TTLL11: variants seen among roughly 807,000 people sequenced by gnomAD.
TTLL11 encodes tubulin tyrosine ligase like 11.
TTLL11 carries 42 observed loss-of-function variants against 51.7 expected under a neutral mutation model. That is an observed-to-expected ratio of 0.81 (90% CI 0.64 to 1.05). TTLL11 has a LOEUF of 1.05. Ranked by LOEUF, TTLL11 falls within the 50% of genes least tolerant of loss-of-function variation. The pLI, the probability that TTLL11 is intolerant of heterozygous loss-of-function variation, is 0.00. For synonymous variants in TTLL11, 381 were observed against 383.5 expected (o/e 0.99, Z 0.08); for missense variants, 799 against 940.4 (o/e 0.85, Z 1.97).
intron 1 of TTLL11, among the ~76,000 whole-genome samples, chr9:122,083,337 T>G (rs1162692871): frequency 6.6e-6 from 1 of 152,016 alleles, no homozygotes; most frequent in Non-Finnish European, 1.5e-5. Context: ...AAAGCAGGTG[T>G]CACAATGGGA....
chr9:121,830,747 C>T (rs1255105671), intron 8 of TTLL11, among the ~76,000 whole-genome samples: 2 of 152,218 alleles, frequency 1.3e-5, no homozygotes, highest in East Asian at 1.9e-4. Context: ...CCTGCCCTTC[C>T]CTGTCTGGGC....
In TTLL11 at chr9:121,894,187, G is replaced by A. The variant is rs1228674605; in HGVS notation, c.1482-23439C>T. On this transcript the variant is annotated intron_variant, in intron 6 of 8. Coordinates refer to ENST00000321582, the MANE Select transcript of TTLL11 (RefSeq NM_001139442.2). ...CCTGCCTGCAAGGAGCCTACAGCCT[G>A]GTGCAGGAGACCCCTAAAAGAAGAG... Among the ~76,000 whole-genome samples the A allele has an allele frequency of 2.0e-5, 3 of 152,176 alleles. No homozygotes were observed. The South Asian group carries it at 6.2e-4, about 32-fold the overall frequency.
At chr9:121,874,499 T>C (rs1838490210) in intron 6 of TTLL11, among the ~76,000 whole-genome samples, 1 of 152,246 alleles carries the variant, frequency 6.6e-6, no homozygotes, top group Non-Finnish European at 1.5e-5. Flanking sequence ...TATTAACATT[T>C]TGATTTCTTA....
intron 3 of TTLL11, among the ~76,000 whole-genome samples, chr9:121,998,695 T>C (rs1843365071): frequency 6.6e-6 from 1 of 152,184 alleles, no homozygotes; most frequent in African/African-American, 2.4e-5. Context: ...TATTGCTCAA[T>C]TGCAGTATTG....
intron 6 of TTLL11, among the ~76,000 whole-genome samples, chr9:121,878,942 G>GT: frequency 6.6e-6 from 1 of 152,320 alleles, no homozygotes; most frequent in Middle Eastern, 3.4e-3. Flanking sequence ...TTTGGGCTTT[G>GT]TGGGTAGATC....
At chr9:122,058,947 G>A (rs10513389) in intron 1 of TTLL11, among the ~76,000 whole-genome samples, 33,171 of 152,082 alleles carry the variant, frequency 0.22, 3,858 homozygotes, top group Non-Finnish European at 0.24. Context: ...CAGCTGGCGT[G>A]GTCTATTAAG....
chr9:122,046,105 CT>C (rs1367035365), intron 1 of TTLL11, among the ~76,000 whole-genome samples: 2 of 152,156 alleles, frequency 1.3e-5, no homozygotes, highest in African/African-American at 4.8e-5. Context: ...CTTAAGCCCC[CT>C]GATAGAGTTT....
intron 1 of TTLL11, among the ~76,000 whole-genome samples, chr9:122,088,131 C>A (rs934841038): frequency 6.6e-6 from 1 of 152,184 alleles, no homozygotes; most frequent in Non-Finnish European, 1.5e-5. Context: ...CAGTCAGAAG[C>A]GCAAGCTTCT....
At chr9:121,871,224 G>GTT (rs753453916) in intron 6 of TTLL11, among the ~76,000 whole-genome samples, 2 of 145,014 alleles carry the variant, frequency 1.4e-5, no homozygotes, top group African/African-American at 5.0e-5. Flanking sequence ...TGGCTTAACT[G>GTT]TTTTTTTTTT....
In TTLL11 at chr9:121,831,631, T is replaced by A. The variant is rs182161412; in HGVS notation, c.1841-8752A>T. On this transcript the variant is annotated intron_variant, in intron 8 of 8. Transcript: ENST00000321582. ...AGGAGAATCACTTGAACCTGGGAGG[T>A]GGAGGTTGCAGTGAGCCGAGATTGT... Among the ~76,000 whole-genome samples the A allele has an allele frequency of 4.1e-5, 6 of 147,126 alleles. No homozygotes were observed. The East Asian group carries it at 1.2e-3, about 29-fold the overall frequency.
intron 6 of TTLL11, among the ~76,000 whole-genome samples, chr9:121,957,144 C>T (rs541098979): frequency 1.3e-5 from 2 of 152,224 alleles, no homozygotes; most frequent in Admixed American, 6.5e-5. Context: ...TCTCCCACCC[C>T]AACCCCTCCC....
At chr9:121,957,779 ACC>A (rs1165378710) in intron 6 of TTLL11, among the ~76,000 whole-genome samples, 2 of 152,110 alleles carry the variant, frequency 1.3e-5, no homozygotes, top group Non-Finnish European at 2.9e-5. Context: ...TTCTCCCTAG[ACC>A]TGAAGAATGG....
Position 121,954,451 on chromosome 9 carries a change from A to G in TTLL11, c.1481+19558T>C, listed in dbSNP as rs115504586. ...AAACCTTGTAATATCACTCTTGTGA[A>G]GCACACAGATTCTAAGAGAATCAAA... is the stretch of plus-strand genomic sequence containing the variant. On this transcript the variant is annotated intron_variant, in intron 6 of 8. Coordinates refer to ENST00000321582, the MANE Select transcript of TTLL11 (RefSeq NM_001139442.2). Among the ~76,000 whole-genome samples, 1,041 of 152,360 alleles carry G rather than the reference A, an allele frequency of 6.8e-3. 10 individuals carry two copies. Among genetic ancestry groups the G allele is most frequent in the African/African-American group, 0.022 (904 of 41,580 alleles).
chr9:121,981,289 C>G (rs1842822998), intron 4 of TTLL11, among the ~76,000 whole-genome samples: 1 of 152,002 alleles, frequency 6.6e-6, no homozygotes, highest in Non-Finnish European at 1.5e-5. Context: ...CATTCTATTG[C>G]TACGTCTTCA....
intron 6 of TTLL11, among the ~76,000 whole-genome samples, chr9:121,928,057 G>A (rs1429401650): frequency 2.6e-5 from 4 of 152,150 alleles, no homozygotes; most frequent in African/African-American, 4.8e-5. Flanking sequence ...AGGTGCTCCA[G>A]GAGCCACAAT....
At chr9:121,852,599 C>T (rs923315093) in intron 8 of TTLL11, among the ~76,000 whole-genome samples, 1 of 152,140 alleles carries the variant, frequency 6.6e-6, no homozygotes, top group Non-Finnish European at 1.5e-5. Flanking sequence ...TTCTCTCCAC[C>T]CTCAAGGTGA....
chr9:122,063,512 ATT>A (rs149082855), intron 1 of TTLL11, among the ~76,000 whole-genome samples: 46,069 of 151,896 alleles, frequency 0.3, 7,457 homozygotes, highest in African/African-American at 0.39. Context: ...TGAAATCACT[ATT>A]ATTGAGTTCA....
At chr9:121,915,834 C>T (rs1053371174) in intron 6 of TTLL11, among the ~76,000 whole-genome samples, 2 of 152,000 alleles carry the variant, frequency 1.3e-5, no homozygotes, top group Non-Finnish European at 1.5e-5. Flanking sequence ...CTGGAAATTA[C>T]TTATCTTATA....
intron 3 of TTLL11, among the ~76,000 whole-genome samples, chr9:122,014,537 C>T (rs774128961): frequency 7.2e-5 from 11 of 152,192 alleles, no homozygotes; most frequent in Non-Finnish European, 1.2e-4. Context: ...TTAATTCCAT[C>T]CCAGCTTGGA....
Sources: allele counts gnomAD v4.1 joint callset (sites outside exome capture counted in the v4.1 genomes callset), GRCh38; gene constraint gnomAD v4.1.1; transcripts MANE v1.5; gene names NCBI Gene and HGNC (gene_info 2026-07-23, HGNC 2026-07-21).